The following MGAT4C variants were observed in gnomAD, a reference collection of about 807,000 sequenced individuals.
MGAT4C encodes MGAT4 family member C.
A neutral mutation model predicts 40.1 loss-of-function variants in MGAT4C; 19 were observed. That is an observed-to-expected ratio of 0.47 (90% confidence interval 0.33 to 0.70). The LOEUF is 0.70. MGAT4C is among the 30% of genes least tolerant of loss of function. MGAT4C has a pLI of 0.02. For missense variants in MGAT4C, 491 were observed against 563.2 expected (o/e 0.87, Z 1.30); for synonymous variants, 181 against 187.1 (o/e 0.97, Z 0.27).
intron 4 of MGAT4C, among the ~76,000 whole-genome samples, chr12:86,311,262 G>A (rs1242035697): frequency 6.6e-6 from 1 of 152,140 alleles, no homozygotes; most frequent in Non-Finnish European, 1.5e-5. Flanking sequence ...AAACCTGTAT[G>A]GCATTTTACC....
At chr12:86,712,089 G>C (rs1243378593) in intron 2 of MGAT4C, among the ~76,000 whole-genome samples, 1 of 152,010 alleles carries the variant, frequency 6.6e-6, no homozygotes, top group Non-Finnish European at 1.5e-5. Context: ...ATTTGTGGCA[G>C]TTTCCCATTT....
intron 2 of MGAT4C, among the ~76,000 whole-genome samples, chr12:86,581,928 C>T (rs1043555001): frequency 6.6e-6 from 1 of 151,424 alleles, no homozygotes; most frequent in South Asian, 2.1e-4. Context: ...AGGTTAACAT[C>T]TGCTGGCTTC....
At chr12:86,550,204 C>T (rs11837808) in intron 2 of MGAT4C, among the ~76,000 whole-genome samples, 3,286 of 152,216 alleles carry the variant, frequency 0.022, 114 homozygotes, top group African/African-American at 0.075. Context: ...GGGGCTTTTC[C>T]AGCCATGTGG....
At chr12:86,696,825 G>T (rs2136607132) in intron 2 of MGAT4C, among the ~76,000 whole-genome samples, 1 of 152,010 alleles carries the variant, frequency 6.6e-6, no homozygotes, top group East Asian at 1.9e-4. Flanking sequence ...TAAACAAAAA[G>T]AAATCTGCTT....
At chr12:86,129,811 G>A (rs1936936709) in intron 1 of MGAT4C, among the ~76,000 whole-genome samples, 1 of 13,114 alleles carries the variant, frequency 7.6e-5, no homozygotes, top group Non-Finnish European at 1.1e-4. Context: ...CGCCCGCCTC[G>A]GCCTCCCAAA....
chr12:86,761,533 C>G (rs1487126901), intron 1 of MGAT4C, among the ~76,000 whole-genome samples: 1 of 152,162 alleles, frequency 6.6e-6, no homozygotes, highest in Admixed American at 6.5e-5. Context: ...TAAAACAACA[C>G]AAATCTATCC....
At chr12:86,810,661 C>T (rs535508473) in intron 1 of MGAT4C, among the ~76,000 whole-genome samples, 45 of 151,804 alleles carry the variant, frequency 3.0e-4, no homozygotes, top group African/African-American at 9.4e-4. Context: ...ACCAGCCTTG[C>T]ACCGAGAAAT....
intron 2 of MGAT4C, among the ~76,000 whole-genome samples, chr12:86,663,779 A>G (rs1394719454): frequency 6.6e-6 from 1 of 152,164 alleles, no homozygotes; most frequent in African/African-American, 2.4e-5. Flanking sequence ...CTGATGGGGA[A>G]ATACAAGGTT....
intron 1 of MGAT4C, among the ~76,000 whole-genome samples, chr12:86,773,812 T>C (rs528766878): frequency 1.3e-5 from 2 of 152,094 alleles, no homozygotes; most frequent in Admixed American, 1.3e-4. Context: ...TGTAATTACA[T>C]ATAATGTATA....
intron 2 of MGAT4C, among the ~76,000 whole-genome samples, chr12:86,686,040 A>T (rs1950066521): frequency 6.8e-6 from 1 of 147,860 alleles, no homozygotes. Flanking sequence ...TTTTATTTTA[A>T]TTTTTTTTTT....
In MGAT4C at chr12:86,066,665, C is replaced by T. The variant is rs186766186; in HGVS notation, c.-56-16942G>A. Among the ~76,000 whole-genome samples the T allele has an allele frequency of 3.9e-5, 6 of 152,210 alleles. 1 individual carries two copies. On this transcript the variant is annotated intron_variant, in intron 1 of 4. Transcript: ENST00000611864. Reference sequence around the variant, plus strand: ...CATAGGCAGGGCAAAGACCTCATGACTAAAACACCAAAAGAAATGGCAACA... The same window carrying T: ...CATAGGCAGGGCAAAGACCTCATGATTAAAACACCAAAAGAAATGGCAACA...
At chr12:86,261,729 A>G (rs1314600993) in intron 4 of MGAT4C, among the ~76,000 whole-genome samples, 1 of 152,034 alleles carries the variant, frequency 6.6e-6, no homozygotes, top group African/African-American at 2.4e-5. Context: ...ATTAATTGAG[A>G]GCATACCAGA....
chr12:86,493,296 G>C (rs1663215255), intron 2 of MGAT4C, among the ~76,000 whole-genome samples: 1 of 151,604 alleles, frequency 6.6e-6, no homozygotes, highest in Admixed American at 6.6e-5. Context: ...CCCATTACTG[G>C]GTATATACCC....
intron 1 of MGAT4C, among the ~76,000 whole-genome samples, chr12:86,773,749 G>T (rs941190569): frequency 6.6e-6 from 1 of 151,592 alleles, no homozygotes; most frequent in Non-Finnish European, 1.5e-5. Context: ...GTATATATTT[G>T]TACACTTTTA....
chr12:86,572,799 G>T (rs1016971011), intron 2 of MGAT4C, among the ~76,000 whole-genome samples: 1 of 151,920 alleles, frequency 6.6e-6, no homozygotes, highest in Non-Finnish European at 1.5e-5. Context: ...TTTTCACGGA[G>T]CCTGAAGCAC....
intron 2 of MGAT4C, among the ~76,000 whole-genome samples, chr12:86,602,222 G>T (rs1456734800): frequency 6.6e-6 from 1 of 152,066 alleles, no homozygotes; most frequent in Non-Finnish European, 1.5e-5. Context: ...ACAGCCTGCC[G>T]GGCCAAGTGG....
intron 1 of MGAT4C, among the ~76,000 whole-genome samples, chr12:86,182,868 C>T (rs1888279805): frequency 6.6e-6 from 1 of 152,078 alleles, no homozygotes; most frequent in Admixed American, 6.6e-5. Flanking sequence ...CTGATTTTAT[C>T]TGAGTTAGGG....
At chr12:86,658,979 C>A (rs544009296) in intron 2 of MGAT4C, among the ~76,000 whole-genome samples, 1 of 152,084 alleles carries the variant, frequency 6.6e-6, no homozygotes, top group Non-Finnish European at 1.5e-5. Context: ...AGAGGGAAGA[C>A]AACATGGAAA....
At chr12:86,461,644 G>C (rs1244670131) in intron 2 of MGAT4C, among the ~76,000 whole-genome samples, 2 of 152,080 alleles carry the variant, frequency 1.3e-5, no homozygotes, top group Non-Finnish European at 2.9e-5. Flanking sequence ...ATCCACAGCA[G>C]TATTAATAAA....
Sources: allele counts gnomAD v4.1 joint callset (sites outside exome capture counted in the v4.1 genomes callset), GRCh38; gene constraint gnomAD v4.1.1; transcripts MANE v1.5; gene names NCBI Gene and HGNC (gene_info 2026-07-23, HGNC 2026-07-21).